TRMT11: variants seen among roughly 807,000 people sequenced by gnomAD.
TRMT11 encodes tRNA (guanine(10)-N(2))-methyltransferase TRMT11.
Under a neutral mutation model 62.8 loss-of-function variants are expected in TRMT11, and 53 were observed. The ratio of observed to expected loss-of-function variants is 0.84; its 90% confidence interval spans 0.68 to 1.06. TRMT11 has a LOEUF of 1.06. Among genes scored for constraint, TRMT11 ranks in the 50% least tolerant of loss-of-function variants. The pLI is 0.00. For missense variants in TRMT11, 556 were observed against 553.4 expected (o/e 1.00, Z -0.05); for synonymous variants, 188 against 190.3 (o/e 0.99, Z 0.10).
At chr6:125,992,727 C>T (rs992023428) in intron 1 of TRMT11, among the ~76,000 whole-genome samples, 2 of 152,214 alleles carry the variant, frequency 1.3e-5, no homozygotes, top group African/African-American at 2.4e-5. Flanking sequence ...TATTTAATTT[C>T]TAAGTCTCAT....
the TRMT11 span, among the ~76,000 whole-genome samples, chr6:126,221,950 C>T: frequency 6.6e-6 from 1 of 152,138 alleles, no homozygotes; most frequent in Non-Finnish European, 1.5e-5. Flanking sequence ...CTAGGTTTTA[C>T]ATTTAAGTCT....
intron 21 of TRMT11, among the ~76,000 whole-genome samples, chr6:126,137,201 C>G (rs1288309295): frequency 2.0e-5 from 3 of 151,640 alleles, no homozygotes; most frequent in African/African-American, 7.3e-5. Flanking sequence ...AAGAGACAAC[C>G]TACAGAACAG....
At chr6:126,254,520 G>C in the TRMT11 span, among the ~76,000 whole-genome samples, 1 of 152,182 alleles carries the variant, frequency 6.6e-6, no homozygotes, top group Non-Finnish European at 1.5e-5. Flanking sequence ...CTCATGAGGG[G>C]CTTATTTGCT....
At chr6:126,069,055 C>G (rs1262104190) in intron 17 of TRMT11, among the ~76,000 whole-genome samples, 1 of 152,216 alleles carries the variant, frequency 6.6e-6, no homozygotes, top group Non-Finnish European at 1.5e-5. Flanking sequence ...GAAATCCAAT[C>G]ATTTTGGTTC....
At chr6:126,208,307 G>A (rs1466903662), downstream of TRMT11, among the ~76,000 whole-genome samples, 6 of 152,170 alleles carry the variant, frequency 3.9e-5, no homozygotes, top group Non-Finnish European at 5.9e-5. Context: ...GAGAATAGCA[G>A]TTATTGATAT....
At chr6:126,131,520 G>A (rs372009039) in intron 21 of TRMT11, among the ~76,000 whole-genome samples, 5 of 152,044 alleles carry the variant, frequency 3.3e-5, no homozygotes, top group South Asian at 2.1e-4. Flanking sequence ...GTTACACCAC[G>A]CCTTTAAAAG....
At chr6:126,041,331 G>A (rs1775873330), downstream of TRMT11, among the ~76,000 whole-genome samples, 1 of 152,020 alleles carries the variant, frequency 6.6e-6, no homozygotes, top group South Asian at 2.1e-4. Flanking sequence ...AGCTTTTAAG[G>A]TAATATGTTT....
At chr6:126,182,196 G>A (rs1778474279) in intron 1 of TRMT11, among the ~76,000 whole-genome samples, 1 of 152,154 alleles carries the variant, frequency 6.6e-6, no homozygotes, top group South Asian at 2.1e-4. Flanking sequence ...TCTACAAAAA[G>A]GATGTAAAGA....
chr6:126,147,924 C>A (rs766887196), intron 21 of TRMT11, among the ~76,000 whole-genome samples: 2 of 151,946 alleles, frequency 1.3e-5, no homozygotes, highest in Non-Finnish European at 2.9e-5. Context: ...GAAGGGATAG[C>A]ATCAGGAGAA....
the TRMT11 span, among the ~76,000 whole-genome samples, chr6:126,271,841 A>G: frequency 6.6e-6 from 1 of 152,174 alleles, no homozygotes; most frequent in African/African-American, 2.4e-5. Context: ...GCAAAGAAAA[A>G]CAGGACCAGA....
intron 12 of TRMT11, among the ~76,000 whole-genome samples, chr6:126,021,701 A>G (rs1795830511): frequency 1.3e-5 from 2 of 152,348 alleles, no homozygotes; most frequent in South Asian, 4.1e-4. Flanking sequence ...AAATGTCCCC[A>G]GTTTGTTAGG....
chr6:126,146,585 T>C (rs1301384504), intron 21 of TRMT11, among the ~76,000 whole-genome samples: 1 of 151,972 alleles, frequency 6.6e-6, no homozygotes, highest in Admixed American at 6.6e-5. Context: ...TAGCGTGATC[T>C]CGGCTCACTG....
intron 17 of TRMT11, among the ~76,000 whole-genome samples, chr6:126,103,921 C>T (rs1251569553): frequency 6.6e-6 from 1 of 152,116 alleles, no homozygotes. Context: ...TGGGGTTATA[C>T]AAGGGCATGA....
chr6:126,160,262 T>A (rs1330674), intron 21 of TRMT11, among the ~76,000 whole-genome samples: 1 of 151,704 alleles, frequency 6.6e-6, no homozygotes, highest in African/African-American at 2.4e-5. Flanking sequence ...TTATATGCTC[T>A]TAGGGAGACT....
intron 21 of TRMT11, among the ~76,000 whole-genome samples, chr6:126,120,019 A>T (rs1583880661): frequency 2.6e-5 from 4 of 152,272 alleles, no homozygotes; most frequent in Admixed American, 2.6e-4. Context: ...CATGCCTGTA[A>T]TCCCAGCACT....
intron 17 of TRMT11, among the ~76,000 whole-genome samples, chr6:126,082,807 G>C (rs1777172948): frequency 6.6e-6 from 1 of 152,046 alleles, no homozygotes; most frequent in Non-Finnish European, 1.5e-5. Context: ...AACAGATAAA[G>C]AAGCAGGTAC....
At chr6:126,268,973 C>A in the TRMT11 span, among the ~76,000 whole-genome samples, 1 of 151,976 alleles carries the variant, frequency 6.6e-6, no homozygotes, top group Admixed American at 6.6e-5. Flanking sequence ...AAAAATATGA[C>A]TGGGTTGGCC....
At chr6:126,137,231 A>T (rs931299236) in intron 21 of TRMT11, among the ~76,000 whole-genome samples, 2 of 151,908 alleles carry the variant, frequency 1.3e-5, no homozygotes, top group Non-Finnish European at 2.9e-5. Context: ...TTTTCAAACT[A>T]TCCATCTGAA....
chr6:126,194,350 G>A (rs868564035), intron 1 of TRMT11, among the ~76,000 whole-genome samples: 7 of 152,140 alleles, frequency 4.6e-5, no homozygotes, highest in African/African-American at 1.2e-4. Context: ...ATGAATACAT[G>A]TTTATTCTCC....
Sources: gnomAD v4.1 joint callset for allele counts (sites outside exome capture counted in the v4.1 genomes callset) on GRCh38, gnomAD v4.1.1 for gene constraint, MANE v1.5 for transcripts, NCBI Gene and HGNC (gene_info 2026-07-23, HGNC 2026-07-21) for gene names.